The following ACP2 variants were observed in gnomAD, a reference collection of about 807,000 sequenced individuals.
ACP2 encodes lysosomal acid phosphatase.
ACP2 carries 35 observed loss-of-function variants against 54.7 expected under a neutral mutation model. The observed-to-expected ratio is 0.64, with a 90% CI of 0.49 to 0.85. ACP2 has a LOEUF of 0.85. Among genes scored for constraint, ACP2 ranks in the 40% least tolerant of loss-of-function variants. The pLI, the probability that ACP2 is intolerant of heterozygous loss-of-function variation, is 0.00. For missense variants in ACP2, 492 were observed against 565.0 expected, an observed-to-expected ratio of 0.87 and a Z score of 1.31; for synonymous variants, 210 against 224.4, an observed-to-expected ratio of 0.94 and a Z score of 0.57.
rs778545443 is a variant in ACP2, at chr11:47,248,697, C to T, written c.93G>A (p.Arg31=). 7 of 1,612,164 alleles carry T rather than the reference C, an allele frequency of 4.3e-6. No individual in the cohort carries two copies. Among genetic ancestry groups the T allele is most frequent in the Non-Finnish European group, 5.9e-6 (7 of 1,179,296 alleles). Reference sequence around the variant, plus strand: ...TTACCAAGGTAACGAAGCGCAGACTCCGGGCCCGGGTGGGCGGCATCACCA... The same window carrying T: ...TTACCAAGGTAACGAAGCGCAGACTTCGGGCCCGGGTGGGCGGCATCACCA... The part of the protein sequence containing the change: ...NLVVMPPTRA[R]SLRFVTLLYR... Residue 31 remains arginine, a synonymous_variant, in exon 1 of 11, where the codon CGG becomes CGA. Coordinates refer to ENST00000672073, the MANE Select transcript of ACP2 (RefSeq NM_001610.4).
At chr11:47,247,504 A>T in intron 3 of ACP2, 137 bp downstream of exon 3, 1 of 986,846 alleles carries the variant, frequency 1.0e-6, no homozygotes, top group Non-Finnish European at 1.6e-6. Flanking sequence ...GACAGCTCTC[A>T]GATGTCTTTT....
chr11:47,248,267 G>C, intron 1 of ACP2, 134 bp from the exon 2 acceptor site: 2 of 1,050,942 alleles, frequency 1.9e-6, no homozygotes, highest in Non-Finnish European at 2.7e-6. Context: ...AAAGACCCCA[G>C]CTAGGAGTCA....
chr11:47,244,686 C>A, intron 7 of ACP2, 49 bp downstream of exon 7: 2 of 1,452,552 alleles, frequency 1.4e-6, no homozygotes, highest in South Asian at 1.4e-5. Flanking sequence ...AGATTTTTAA[C>A]GCCTTAGGGT....
rs1236432743 is a variant in ACP2 at position 47,247,743 on chromosome 11, A to G, written c.211-16T>C. ...GCATCCCCTCCTGTGGGCAAACCCA[A>G]GGGTTAAGAGGGTCTAGAGGGAAGG... On this transcript the variant is annotated splice_polypyrimidine_tract_variant and intron_variant, in intron 2 of 10. Transcript: ENST00000672073. 6 of 1,612,222 alleles carry G rather than the reference A, an allele frequency of 3.7e-6. No homozygotes were observed. The highest frequency in any genetic ancestry group is 5.1e-6 in the Non-Finnish European group (6 of 1,179,420).
intron 3 of ACP2, 75 bp downstream of exon 3, chr11:47,247,566 G>C (rs1251144800): frequency 6.4e-7 from 1 of 1,559,106 alleles, no homozygotes; most frequent in East Asian, 2.2e-5. Flanking sequence ...CCCAGCCTCA[G>C]CCTTAGGCTC....
intron 10 of ACP2, among the ~76,000 whole-genome samples, chr11:47,240,713 C>T (rs183485916): frequency 3.3e-5 from 5 of 151,708 alleles, no homozygotes; most frequent in South Asian, 2.1e-4. Flanking sequence ...CCCAACTACT[C>T]GGGAGGCTGA....
chr11:47,240,079 TCC>T lies in ACP2; in HGVS notation c.*35_*36del, dbSNP rs753654558. On this transcript the variant is annotated 3_prime_UTR_variant, in exon 11 of 11. Coordinates refer to ENST00000672073, the MANE Select transcript of ACP2 (RefSeq NM_001610.4). ...GTCAGGAGCGAGGGCCCAGCCCACC[TCC>T]CCTAGGAGGTGGAGGGAAGGGGGCT... 9 of 1,594,536 alleles carry T rather than the reference TCC, an allele frequency of 5.6e-6. No homozygotes were observed. In the South Asian group the frequency reaches 7.9e-5, roughly 14 times the overall value.
At position 47,240,042 on chromosome 11, in the gene ACP2, G is replaced by A; in HGVS notation, c.*74C>T. The A allele has an allele frequency of 6.6e-7, 1 of 1,514,074 alleles. No individual in the cohort carries two copies. The highest frequency in any genetic ancestry group is 1.2e-5 in the South Asian group (1 of 80,238). The allele number at this position is 1,514,074 out of a possible 1,614,324, so 93.8% of individuals were successfully genotyped here. A position where few individuals can be genotyped will look rare whatever the true frequency, so the allele number is the denominator to read the frequency against. ...CCAGGATCTCCTGTCCATGGGCTGG[G>A]GAGCAGCAACAGTCAGGAGCGAGGG... On this transcript the variant is annotated 3_prime_UTR_variant, in exon 11 of 11. Transcript: ENST00000672073.
chr11:47,245,706 G>A lies in ACP2; in HGVS notation c.426C>T (p.His142=), dbSNP rs1334073214. The A allele has an allele frequency of 2.5e-6, 4 of 1,613,730 alleles. No individual in the cohort carries two copies. Among genetic ancestry groups the A allele is most frequent in the Non-Finnish European group, 3.4e-6 (4 of 1,179,712 alleles). ...CCCTGTCCTCAGTGATGGGCACAGTGTGCACAGGAATAGGCTGCCACGAGA... is the reference window on the plus strand; with the variant it reads ...CCCTGTCCTCAGTGATGGGCACAGTATGCACAGGAATAGGCTGCCACGAGA... ...PNISWQPIPV[H]TVPITEDRLL... is the part of the protein sequence containing the mutation. Residue 142 remains histidine, a synonymous_variant, in exon 4 of 11, where the codon CAC becomes CAT. Transcript: ENST00000672073.
chr11:47,248,030 T>G lies in ACP2; in HGVS notation c.210+8A>C, dbSNP rs1337996962. On this transcript the variant is annotated splice_region_variant and intron_variant, in intron 2 of 10. Coordinates refer to ENST00000672073, the MANE Select transcript of ACP2 (RefSeq NM_001610.4). The stretch of plus-strand genomic sequence containing the variant: ...CTCATCCTGAGGAAAGGCTGGCTTC[T>G]GACCCACCTTGGTTAACTGACCAAA... The G allele has an allele frequency of 6.3e-7, 1 of 1,585,300 alleles. No homozygotes were observed. The highest frequency in any genetic ancestry group is 8.6e-7 in the Non-Finnish European group (1 of 1,169,398).
chr11:47,244,948 G>T, intron 6 of ACP2, 81 bp from the exon 7 acceptor site: 2 of 1,488,290 alleles, frequency 1.3e-6, no homozygotes, highest in South Asian at 1.3e-5. Context: ...TAGTGGGAAG[G>T]TGCCTGTGTG....
chr11:47,241,388 A>G (rs918628957), intron 10 of ACP2, among the ~76,000 whole-genome samples: 1 of 152,052 alleles, frequency 6.6e-6, no homozygotes, highest in Non-Finnish European at 1.5e-5. Flanking sequence ...ATGGTGATGC[A>G]TGCCTGTAAT....
chr11:47,245,806 C>T lies in ACP2; in HGVS notation c.326G>A (p.Arg109Gln), dbSNP rs538620515. The stretch of plus-strand genomic sequence containing the variant: ...GTTGGCCTCAGCACTCATGAGAGTC[C>T]GGTCAAAGTCTGTGCTTCGCACATA... Reference protein sequence around the residue: ...EVYVRSTDFDRTLMSAEANLA... With the variant: ...EVYVRSTDFDQTLMSAEANLA... Residue 109 changes from arginine to glutamine, a missense_variant, in exon 4 of 11, where the codon CGG becomes CAG. By Grantham distance (43) the Arg-to-Gln change is conservative. Transcript: ENST00000672073. 1.6e-5 allele frequency: 25 copies of T among 1,590,418 alleles called. No homozygotes were observed. Among genetic ancestry groups the T allele is most frequent in the South Asian group, 1.0e-4 (9 of 87,568 alleles).
Position 47,245,591 on chromosome 11 carries a change from A to C in ACP2, c.451-19T>G. 1 of 1,614,168 alleles carries C rather than the reference A, an allele frequency of 6.2e-7. No individual in the cohort carries two copies. The highest frequency in any genetic ancestry group is 1.6e-4 in the Middle Eastern group (1 of 6,062). On this transcript the variant is annotated intron_variant, in intron 4 of 10. Coordinates refer to ENST00000672073, the MANE Select transcript of ACP2 (RefSeq NM_001610.4). ...TCAGCAGCTGTAGAGCGAAGCGGGG[A>C]AACAGGCAGCGGGAAAAGGAGCCTG...
Position 47,239,480 on chromosome 11 carries a change from C to T in ACP2, c.*636G>A. 6.1e-6 allele frequency: 1 copy of T among 163,932 alleles called. No individual in the cohort carries two copies. Among genetic ancestry groups the T allele is most frequent in the Non-Finnish European group, 1.3e-5 (1 of 74,712 alleles). The allele number at this position is 163,932 out of a possible 1,614,324, so 10.2% of individuals were successfully genotyped here. Reference sequence around the variant, plus strand: ...GATTCGTGTGACAAGCAACTCCCTTCCCACCACTCCCTACTCCCTCCCAAG... The same window carrying T: ...GATTCGTGTGACAAGCAACTCCCTTTCCACCACTCCCTACTCCCTCCCAAG... On this transcript the variant is annotated 3_prime_UTR_variant, in exon 11 of 11. Coordinates refer to ENST00000672073, the MANE Select transcript of ACP2 (RefSeq NM_001610.4).
intron 6 of ACP2, 84 bp from the exon 7 acceptor site, chr11:47,244,951 C>A: frequency 6.7e-7 from 1 of 1,488,380 alleles, no homozygotes; most frequent in Non-Finnish European, 8.9e-7. Context: ...TGGGAAGGTG[C>A]CTGTGTGTGT....
At chr11:47,245,862 GT>G (rs776639897) in intron 3 of ACP2, 28 bp from the exon 4 acceptor site, 19 of 1,392,602 alleles carry the variant, frequency 1.4e-5, no homozygotes, top group Non-Finnish European at 1.9e-5. Flanking sequence ...CAAGTCGTGT[GT>G]GTGTGTGTGT....
chr11:47,243,066 G>A lies in ACP2; in HGVS notation c.914C>T (p.Ala305Val). Reference sequence around the variant, plus strand: ...AAATATGTGGCAGGAGGCGTAGGGGGCTTGTTCACCATTGTAGACATCCAG... The same window carrying A: ...AAATATGTGGCAGGAGGCGTAGGGGACTTGTTCACCATTGTAGACATCCAG... ...MALDVYNGEQAPYASCHIFEL... is the reference protein window; with the variant it reads ...MALDVYNGEQVPYASCHIFEL... Residue 305 changes from alanine (A) to valine (V), a missense_variant, in exon 9 of 11, where the codon GCC (alanine) becomes GTC (valine). By Grantham distance (64) the Ala-to-Val change is moderately conservative. Transcript: ENST00000672073. 1 of 1,614,266 alleles carries A rather than the reference G, an allele frequency of 6.2e-7. No individual in the cohort carries two copies. Among genetic ancestry groups the A allele is most frequent in the Non-Finnish European group, 8.5e-7 (1 of 1,180,054 alleles).
intron 3 of ACP2, 37 bp from the exon 4 acceptor site, chr11:47,245,871 T>TGC: frequency 6.6e-7 from 1 of 1,524,760 alleles, no homozygotes; most frequent in Non-Finnish European, 8.8e-7. Context: ...TGTGTGTGTG[T>TGC]GTGTGTGTGT....
Sources: gnomAD v4.1 joint callset for allele counts (sites outside exome capture counted in the v4.1 genomes callset) on GRCh38, gnomAD v4.1.1 for gene constraint, MANE v1.5 for transcripts, NCBI Gene and HGNC (gene_info 2026-07-23, HGNC 2026-07-21) for gene names.